The following ZNF839 variants were observed in gnomAD, a reference collection of about 807,000 sequenced individuals.
ZNF839 encodes zinc finger protein 839, also known as renal carcinoma antigen NY-REN-50.
Under a neutral mutation model 56.4 loss-of-function variants are expected in ZNF839, and 38 were observed. The observed-to-expected ratio is 0.67, with a 90% CI of 0.52 to 0.88. The LOEUF (loss-of-function observed/expected upper bound fraction) is 0.88, where lower values mean the gene tolerates loss of function less well. Ranked by LOEUF, ZNF839 falls within the 40% of genes least tolerant of loss-of-function variation. ZNF839 has a pLI of 0.00. For synonymous variants in ZNF839, 486 were observed against 493.5 expected (o/e 0.98, Z 0.20); for missense variants, 1,091 against 1,177.6 (o/e 0.93, Z 1.08).
chr14:102,323,028 C>T (rs536334703), intron 1 of ZNF839, among the ~76,000 whole-genome samples: 10 of 151,754 alleles, frequency 6.6e-5, no homozygotes, highest in Admixed American at 4.0e-4. Context: ...AACAGACAGA[C>T]GAGAGACACA....
At chr14:102,330,339 T>C (rs1190130838) in intron 2 of ZNF839, among the ~76,000 whole-genome samples, 2 of 151,982 alleles carry the variant, frequency 1.3e-5, no homozygotes, top group African/African-American at 4.8e-5. Context: ...TTCAAGGGAT[T>C]CTCCTGCCTC....
intron 3 of ZNF839, among the ~76,000 whole-genome samples, chr14:102,333,280 T>G (rs2073870810): frequency 1.5e-5 from 2 of 137,358 alleles, no homozygotes; most frequent in Non-Finnish European, 1.5e-5. Flanking sequence ...TTTTTTTTTT[T>G]GAGAGAGGGT....
intron 2 of ZNF839, among the ~76,000 whole-genome samples, chr14:102,329,157 G>C (rs1246643205): frequency 6.6e-6 from 1 of 151,630 alleles, no homozygotes; most frequent in Non-Finnish European, 1.5e-5. Flanking sequence ...TTTTAGTAGA[G>C]ATGGGGTTTC....
At chr14:102,322,715 C>T (rs2073196311) in intron 1 of ZNF839, among the ~76,000 whole-genome samples, 1 of 152,078 alleles carries the variant, frequency 6.6e-6, no homozygotes, top group South Asian at 2.1e-4. Flanking sequence ...CATGTATGCA[C>T]CATCATGCCT....
chr14:102,330,574 G>T (rs1327975469), intron 2 of ZNF839, among the ~76,000 whole-genome samples: 1 of 136,110 alleles, frequency 7.3e-6, no homozygotes, highest in Non-Finnish European at 1.5e-5. Flanking sequence ...TCACTGTGTT[G>T]CCCTGGCTGG....
chr14:102,321,659 G>A (rs1176334345), intron 1 of ZNF839, among the ~76,000 whole-genome samples: 1 of 152,164 alleles, frequency 6.6e-6, no homozygotes, highest in African/African-American at 2.4e-5. Context: ...AACAGGAGAT[G>A]AAACAAGACC....
At chr14:102,341,291 C>T (rs372186247) in intron 7 of ZNF839, 32 bp from the exon 8 acceptor site, 65 of 1,513,792 alleles carry the variant, frequency 4.3e-5, no homozygotes, top group South Asian at 2.6e-4. Flanking sequence ...ACACAGTACA[C>T]GCCATGTTCA....
chr14:102,322,386 C>T (rs2073175238), intron 1 of ZNF839, among the ~76,000 whole-genome samples: 2 of 152,180 alleles, frequency 1.3e-5, no homozygotes, highest in African/African-American at 4.8e-5. Context: ...GGACTTGGCT[C>T]CTGTGTATGT....
intron 2 of ZNF839, among the ~76,000 whole-genome samples, chr14:102,327,874 G>A (rs1330559842): frequency 6.7e-6 from 1 of 150,026 alleles, no homozygotes; most frequent in Admixed American, 6.6e-5. Context: ...ATGGCAGTGC[G>A]CTCTTGGCTG....
intron 7 of ZNF839, among the ~76,000 whole-genome samples, chr14:102,340,204 G>T (rs1430709660): frequency 6.6e-6 from 1 of 151,196 alleles, no homozygotes; most frequent in East Asian, 2.0e-4. Flanking sequence ...TGAAACTCCT[G>T]ACTGCAGGTG....
chr14:102,337,806 T>C (rs545855192), intron 5 of ZNF839: 1 of 152,412 alleles, frequency 6.6e-6, no homozygotes, highest in Admixed American at 6.5e-5. Flanking sequence ...CCCACCCCCA[T>C]CTCATGCTCT....
At chr14:102,325,137 C>A (rs1186334021) in intron 1 of ZNF839, among the ~76,000 whole-genome samples, 1 of 152,024 alleles carries the variant, frequency 6.6e-6, no homozygotes, top group African/African-American at 2.4e-5. Context: ...GGATCAATCA[C>A]TTGACGTCAG....
At chr14:102,338,404 G>C (rs1886088638) in intron 5 of ZNF839, among the ~76,000 whole-genome samples, 1 of 151,852 alleles carries the variant, frequency 6.6e-6, no homozygotes, top group Non-Finnish European at 1.5e-5. Context: ...CAGGCATGGT[G>C]GTGCATGCCT....
intron 7 of ZNF839, among the ~76,000 whole-genome samples, chr14:102,339,708 C>T (rs1235821581): frequency 6.6e-6 from 1 of 151,742 alleles, no homozygotes; most frequent in Non-Finnish European, 1.5e-5. Flanking sequence ...GAGATTGCAC[C>T]ACTGCACTCC....
At chr14:102,324,165 A>C (rs2073280292) in intron 1 of ZNF839, among the ~76,000 whole-genome samples, 1 of 152,218 alleles carries the variant, frequency 6.6e-6, no homozygotes, top group Admixed American at 6.6e-5. Flanking sequence ...TGTCGCTTCC[A>C]GAATTTCATT....
Position 102,341,517 on chromosome 14 carries a change from C to T in ZNF839, c.2122C>T (p.Gln708Ter), listed in dbSNP as rs200735310. The change falls in exon 8 of 8, where the codon CAG becomes TAG. Residue 708 changes from glutamine (Q) to a stop codon, truncating the protein, a stop_gained. Coordinates refer to ENST00000442396, the MANE Select transcript of ZNF839 (RefSeq NM_018335.6). LOFTEE classifies it low-confidence loss of function (END_TRUNC). ...TGTCAGTGGGCTGCCTGTTTATGCT[C>T]AGTCAGGAGAGCCTAGGAGGCTGAC... Reference protein sequence around the residue: ...RDVSGLPVYAQSGEPRRLTQA... With the variant: ...RDVSGLPVYA 3.0e-5 allele frequency: 48 copies of T among 1,604,600 alleles called. No individual in the cohort carries two copies. In the African/African-American group the frequency reaches 6.3e-4, roughly 21 times the overall value.
In ZNF839 at chr14:102,341,789, T is replaced by C. The variant is rs551743923; in HGVS notation, c.2394T>C (p.Pro798=). ...TSVLPTEVAA[P]PLEKILSVDS... ...TCCTGCCTACAGAGGTGGCAGCCCCTCCGCTTGAGAAAATTTTGTCTGTGG... is the reference window on the plus strand; with the variant it reads ...TCCTGCCTACAGAGGTGGCAGCCCCCCCGCTTGAGAAAATTTTGTCTGTGG... The change falls in exon 8 of 8, where the codon CCT becomes CCC. Residue 798 remains proline, a synonymous_variant. Transcript: ENST00000442396. The C allele has an allele frequency of 4.2e-5, 67 of 1,614,000 alleles. No homozygotes were observed. The East Asian group carries it at 1.4e-3, about 33-fold the overall frequency.
At position 102,341,916 on chromosome 14, in the gene ZNF839, T is replaced by C; in HGVS notation, c.2521T>C (p.Ser841Pro). The stretch of plus-strand genomic sequence containing the variant: ...GACTGAAGGGTGTCTCAGAAGCCTT[T>C]CGGGGGACTTGAACCGGTTCCCCTG... ...LLTEGCLRSL[S>P]GDLNRFPCGM... The change falls in exon 8 of 8, where the codon TCG becomes CCG. Residue 841 changes from serine to proline, a missense_variant. Transcript: ENST00000442396. The C allele has an allele frequency of 6.2e-7, 1 of 1,614,048 alleles. No homozygotes were observed. Among genetic ancestry groups the C allele is most frequent in the Admixed American group, 1.7e-5 (1 of 60,022 alleles).
intron 2 of ZNF839, among the ~76,000 whole-genome samples, chr14:102,330,200 G>A (rs2073704354): frequency 6.6e-6 from 1 of 151,756 alleles, no homozygotes; most frequent in African/African-American, 2.4e-5. Flanking sequence ...GTAGTATTTA[G>A]TATTCTATTA....
Sources: gnomAD v4.1 joint callset for allele counts (sites outside exome capture counted in the v4.1 genomes callset) on GRCh38, gnomAD v4.1.1 for gene constraint, MANE v1.5 for transcripts, NCBI Gene and HGNC (gene_info 2026-07-23, HGNC 2026-07-21) for gene names.